NPHP4: variants seen among roughly 807,000 people sequenced by gnomAD.
NPHP4 encodes nephrocystin 4.
Under a neutral mutation model 155.8 loss-of-function variants are expected in NPHP4, and 151 were observed. The ratio of observed to expected loss-of-function variants is 0.97; its 90% CI spans 0.85 to 1.11. The LOEUF is 1.11. Among genes scored for constraint, NPHP4 ranks in the 50% least tolerant of loss-of-function variants. NPHP4 has a pLI of 0.00. For synonymous variants in NPHP4, 845 were observed against 816.8 expected, an observed-to-expected ratio of 1.03 and a Z score of -0.59; for missense variants, 1,956 against 1,925.7, an observed-to-expected ratio of 1.02 and a Z score of -0.29.
intron 13 of NPHP4, 46 bp downstream of exon 13, chr1:5,907,069 A>G: frequency 8.8e-7 from 1 of 1,130,708 alleles, no homozygotes; most frequent in Non-Finnish European, 1.2e-6. Flanking sequence ...GGAGCTGTGG[A>G]GCCATTCCTT....
intron 3 of NPHP4, among the ~76,000 whole-genome samples, chr1:5,971,646 C>T (rs1038564233): frequency 1.4e-4 from 21 of 152,214 alleles, no homozygotes; most frequent in Non-Finnish European, 2.4e-4. Flanking sequence ...GTCACCGGTG[C>T]CTGACCACCC....
intron 16 of NPHP4, among the ~76,000 whole-genome samples, chr1:5,903,481 T>G (rs536613635): frequency 6.6e-6 from 1 of 152,268 alleles, no homozygotes. Context: ...AGACCCCAGC[T>G]GGGTCCCTTA....
At chr1:5,864,315 C>T in intron 28 of NPHP4, 23 bp downstream of exon 28, 1 of 1,576,856 alleles carries the variant, frequency 6.3e-7, no homozygotes, top group Non-Finnish European at 8.6e-7. Flanking sequence ...TCCCCTCAGC[C>T]TGTGCCTGCC....
chr1:5,872,829 G>A (rs1439703977), intron 23 of NPHP4, among the ~76,000 whole-genome samples: 3 of 152,238 alleles, frequency 2.0e-5, no homozygotes, highest in Non-Finnish European at 1.5e-5. Context: ...TTGAGAAGCA[G>A]GTGCCTTACT....
intron 3 of NPHP4, among the ~76,000 whole-genome samples, chr1:5,971,578 C>T (rs1049592427): frequency 2.6e-5 from 4 of 152,176 alleles, no homozygotes; most frequent in African/African-American, 9.7e-5. Context: ...AAACTGCGAG[C>T]AACAGAGCCA....
At chr1:5,938,297 C>T (rs1190938026) in intron 9 of NPHP4, among the ~76,000 whole-genome samples, 2 of 152,258 alleles carry the variant, frequency 1.3e-5, no homozygotes, top group African/African-American at 2.4e-5. Flanking sequence ...AGAGACTGAG[C>T]CCCACCAGGT....
chr1:5,974,929 TCCCCCCAAACCAATG>T (rs891114267), intron 3 of NPHP4, among the ~76,000 whole-genome samples: 9 of 151,086 alleles, frequency 6.0e-5, no homozygotes, highest in Non-Finnish European at 1.0e-4. Flanking sequence ...CCAAAGCAGA[TCCCCCCAAACCAATG>T]CTGATAGGCA....
intron 2 of NPHP4, among the ~76,000 whole-genome samples, chr1:5,978,770 C>T (rs1654151978): frequency 6.6e-6 from 1 of 152,170 alleles, no homozygotes; most frequent in African/African-American, 2.4e-5. Flanking sequence ...GTCCAGGGGA[C>T]ATCACCTGAG....
Position 5,905,330 on chromosome 1 carries a change from T to C in NPHP4, c.1917A>G (p.Gln639=). 1.2e-6 allele frequency: 2 copies of C among 1,613,910 alleles called. No individual in the cohort carries two copies. The highest frequency in any genetic ancestry group is 1.7e-6 in the Non-Finnish European group (2 of 1,179,810). Residue 639 remains glutamine, a synonymous_variant, in exon 15 of 30, where the codon CAA becomes CAG. Coordinates refer to ENST00000378156, the MANE Select transcript of NPHP4 (RefSeq NM_015102.5). The surrounding 1 kb of genome is among the most constrained non-coding windows in gnomAD (Gnocchi z 4.0). ...NPQKEESDCL[Q]SNEMVLQFLA... Reference sequence around the variant, plus strand: ...GAAACTGTAGCACCATCTCGTTGCTTTGTAGACAATCTGATTCTTCCTTCT... The same window carrying C: ...GAAACTGTAGCACCATCTCGTTGCTCTGTAGACAATCTGATTCTTCCTTCT...
At chr1:5,901,592 G>A (rs11122116) in intron 16 of NPHP4, among the ~76,000 whole-genome samples, 3,959 of 152,316 alleles carry the variant, frequency 0.026, 170 homozygotes, top group African/African-American at 0.09. Flanking sequence ...TCCTCTCTGG[G>A]AAATTCATCA....
intron 19 of NPHP4, 91 bp downstream of exon 19, chr1:5,880,023 A>T (rs1474927827): frequency 7.1e-7 from 1 of 1,404,688 alleles, no homozygotes; most frequent in African/African-American, 1.4e-5. Flanking sequence ...ACACATGCAC[A>T]CACGCATGCA....
At chr1:5,880,499 G>T in intron 18 of NPHP4, 1 of 477,354 alleles carries the variant, frequency 2.1e-6, no homozygotes, top group Non-Finnish European at 3.8e-6. Context: ...ATGAAAGCGT[G>T]TGGCACTCAC....
At chr1:5,988,482 AT>A (rs1655802880) in intron 1 of NPHP4, among the ~76,000 whole-genome samples, 1 of 152,242 alleles carries the variant, frequency 6.6e-6, no homozygotes, top group East Asian at 1.9e-4. Flanking sequence ...TTTGTAAAAA[AT>A]GTTTTTATGT....
rs752314639 is a variant in NPHP4, at chr1:5,867,323, C to T, written c.3473-208G>A. The stretch of plus-strand genomic sequence containing the variant: ...TGGACACCGCCCATCCAGCCCACTG[C>T]GGCTCGGCTGCAGCCATCTCCACAG... On this transcript the variant is annotated intron_variant, in intron 24 of 29. Transcript: ENST00000378156. This position sits in a 1 kb window ranked among gnomAD's most constrained non-coding sequence, Gnocchi z 4.1. 3.3e-5 allele frequency: 19 copies of T among 570,310 alleles called. No individual in the cohort carries two copies. The highest frequency in any genetic ancestry group is 3.5e-4 in the Middle Eastern group (1 of 2,894). The allele number at this position is 570,310 out of a possible 1,614,324, so 35.3% of individuals were successfully genotyped here.
chr1:5,920,113 G>A (rs1645666623), intron 11 of NPHP4, among the ~76,000 whole-genome samples: 2 of 152,144 alleles, frequency 1.3e-5, no homozygotes. Context: ...TGTATTTTTA[G>A]TAGAGATAGG....
chr1:5,885,311 C>T (rs956744174), intron 18 of NPHP4, among the ~76,000 whole-genome samples: 1 of 150,982 alleles, frequency 6.6e-6, no homozygotes, highest in Non-Finnish European at 1.5e-5. Flanking sequence ...CCCCGTCCTA[C>T]TCTACAACCA....
intron 9 of NPHP4, among the ~76,000 whole-genome samples, chr1:5,942,585 GAC>G (rs1646880600): frequency 2.8e-5 from 1 of 35,986 alleles, no homozygotes; most frequent in Non-Finnish European, 5.4e-5. Context: ...AATCATAAAT[GAC>G]AAAAAAAAAA....
At position 5,874,905 on chromosome 1, in the gene NPHP4, C is replaced by T; in HGVS notation, c.3013G>A (p.Val1005Met). 7 of 1,613,846 alleles carry T rather than the reference C, an allele frequency of 4.3e-6. No homozygotes were observed. Among genetic ancestry groups the T allele is most frequent in the Non-Finnish European group, 5.9e-6 (7 of 1,179,852 alleles). ...TCGGGGTTGTCGATCTCCACAGTCA[C>T]CGTGTGCTGTGTGTTGTGGGGGTTC... ...LKNPHNTQHT[V>M]TVEIDNPELS... The change falls in exon 21 of 30, where the codon GTG becomes ATG. Residue 1005 changes from valine to methionine, a missense_variant. Val to Met is a conservative substitution (Grantham distance 21). Transcript: ENST00000378156.
intron 6 of NPHP4, among the ~76,000 whole-genome samples, chr1:5,955,178 G>A (rs1648942038): frequency 6.6e-6 from 1 of 152,178 alleles, no homozygotes; most frequent in South Asian, 2.1e-4. Context: ...AAACCACAAT[G>A]AGATACCACC....
Sources: allele counts gnomAD v4.1 joint callset (sites outside exome capture counted in the v4.1 genomes callset), GRCh38; gene constraint gnomAD v4.1.1; non-coding constraint Gnocchi (gnomAD v3.1); transcripts MANE v1.5; gene names NCBI Gene and HGNC (gene_info 2026-07-23, HGNC 2026-07-21).